Variants in MLIP observed in about 807,000 individuals in gnomAD.
The protein encoded by MLIP is muscular LMNA-interacting protein.
Under a neutral mutation model 84.8 loss-of-function variants are expected in MLIP, and 79 were observed. The ratio of observed to expected loss-of-function variants is 0.93; its 90% CI spans 0.78 to 1.12. MLIP has a LOEUF of 1.12. Among genes scored for constraint, MLIP ranks in the 50% most tolerant of loss-of-function variants. The pLI, the probability that MLIP is intolerant of heterozygous loss-of-function variation, is 0.00. For synonymous variants in MLIP, 504 were observed against 463.0 expected (o/e 1.09, Z -1.14); for missense variants, 1,257 against 1,160.6 (o/e 1.08, Z -1.21).
At chr6:54,046,940 A>G (rs1486602972) in intron 1 of MLIP, 1 of 152,230 alleles carries the variant, frequency 6.6e-6, no homozygotes, top group Non-Finnish European at 1.5e-5. Flanking sequence ...ACAAAAAAGT[A>G]AATTATCTGA....
At chr6:54,088,475 A>T (rs1317904834) in intron 1 of MLIP, among the ~76,000 whole-genome samples, 1 of 152,036 alleles carries the variant, frequency 6.6e-6, no homozygotes, top group African/African-American at 2.4e-5. Context: ...TTAGAAGATA[A>T]ATGTCCCTCA....
chr6:54,250,798 A>G (rs1398880042), intron 12 of MLIP, among the ~76,000 whole-genome samples: 1 of 152,042 alleles, frequency 6.6e-6, no homozygotes, highest in Non-Finnish European at 1.5e-5. Flanking sequence ...CATGCTTCTT[A>G]TTCCTATGAG....
chr6:54,027,950 G>A (rs995901197), intron 1 of MLIP, among the ~76,000 whole-genome samples: 1 of 152,104 alleles, frequency 6.6e-6, no homozygotes, highest in East Asian at 1.9e-4. Flanking sequence ...TGTACGTGTG[G>A]CGAAATATTT....
intron 4 of MLIP, among the ~76,000 whole-genome samples, chr6:54,140,718 G>A (rs144859225): frequency 1.1e-4 from 16 of 152,062 alleles, no homozygotes; most frequent in East Asian, 1.9e-4. Context: ...TTCAGAAATC[G>A]TATCTTGAGT....
chr6:54,019,264 T>C (rs554240186), intron 1 of MLIP, among the ~76,000 whole-genome samples: 98 of 152,272 alleles, frequency 6.4e-4, no homozygotes, highest in Non-Finnish European at 8.8e-4. Flanking sequence ...TGTAATAAAG[T>C]TATATATAAA....
chr6:54,053,101 C>T (rs534066586), intron 1 of MLIP, among the ~76,000 whole-genome samples: 14 of 152,248 alleles, frequency 9.2e-5, no homozygotes, highest in Non-Finnish European at 1.5e-4. Context: ...GGACCTAAGA[C>T]TAAGAGCAGT....
intron 10 of MLIP, among the ~76,000 whole-genome samples, chr6:54,190,873 G>T (rs1777850317): frequency 6.7e-6 from 1 of 148,944 alleles, no homozygotes; most frequent in South Asian, 2.1e-4. Flanking sequence ...TCGGCTCACT[G>T]CAAGCTCCGC....
At chr6:54,113,248 C>G (rs1186000486) in intron 1 of MLIP, among the ~76,000 whole-genome samples, 1 of 152,134 alleles carries the variant, frequency 6.6e-6, no homozygotes, top group Non-Finnish European at 1.5e-5. Flanking sequence ...CACCTCTTTA[C>G]TCCTAAAGGA....
intron 11 of MLIP, among the ~76,000 whole-genome samples, chr6:54,228,779 G>T (rs1582565044): frequency 6.6e-6 from 1 of 152,172 alleles, no homozygotes; most frequent in African/African-American, 2.4e-5. Context: ...ATAAGCCAGA[G>T]ACTGTTCAAA....
chr6:54,235,883 A>T (rs1283742634), intron 12 of MLIP, among the ~76,000 whole-genome samples: 5 of 151,936 alleles, frequency 3.3e-5, no homozygotes, highest in African/African-American at 1.2e-4. Context: ...CTGTTATATA[A>T]CCATGAGCCA....
At chr6:54,078,463 G>A (rs774905978) in intron 1 of MLIP, among the ~76,000 whole-genome samples, 3 of 151,994 alleles carry the variant, frequency 2.0e-5, no homozygotes, top group South Asian at 2.1e-4. Context: ...GCACAACTGC[G>A]GTCCCAGCTA....
intron 1 of MLIP, among the ~76,000 whole-genome samples, chr6:54,042,721 C>T (rs1007322751): frequency 1.3e-5 from 2 of 152,088 alleles, no homozygotes; most frequent in Non-Finnish European, 2.9e-5. Flanking sequence ...TCACCAGGGA[C>T]AATATACCTA....
chr6:54,198,347 T>C (rs1778442426), intron 10 of MLIP, among the ~76,000 whole-genome samples: 1 of 152,112 alleles, frequency 6.6e-6, no homozygotes, highest in African/African-American at 2.4e-5. Context: ...CTGTTGCAAA[T>C]GTAGATTGCA....
intron 1 of MLIP, among the ~76,000 whole-genome samples, chr6:54,076,030 T>G (rs541363113): frequency 6.8e-6 from 1 of 147,818 alleles, no homozygotes; most frequent in East Asian, 2.0e-4. Context: ...GGATTAACAC[T>G]GTTGTTCAAT....
chr6:54,259,022 G>A (rs1012926320), intron 13 of MLIP, among the ~76,000 whole-genome samples: 1 of 151,570 alleles, frequency 6.6e-6, no homozygotes, highest in Non-Finnish European at 1.5e-5. Flanking sequence ...TTAAAATCAC[G>A]TTTAAAATAC....
intron 1 of MLIP, among the ~76,000 whole-genome samples, chr6:54,080,995 G>A (rs1356766611): frequency 2.6e-5 from 4 of 152,012 alleles, no homozygotes; most frequent in East Asian, 1.9e-4. Context: ...TTCATGAACT[G>A]TATTTCAGCT....
chr6:54,201,407 C>A (rs939206139), intron 10 of MLIP, among the ~76,000 whole-genome samples: 3 of 152,216 alleles, frequency 2.0e-5, no homozygotes, highest in African/African-American at 4.8e-5. Flanking sequence ...TGGTGTCTCT[C>A]CTTTCTGGGC....
intron 11 of MLIP, among the ~76,000 whole-genome samples, chr6:54,211,574 T>C (rs1046695154): frequency 2.3e-4 from 35 of 152,348 alleles, no homozygotes; most frequent in African/African-American, 7.7e-4. Context: ...GCTGTGACAT[T>C]GTGGTTAATC....
chr6:54,166,134 A>G (rs766493124), intron 8 of MLIP, among the ~76,000 whole-genome samples: 1 of 151,994 alleles, frequency 6.6e-6, no homozygotes, highest in Non-Finnish European at 1.5e-5. Context: ...GAAGCTGGAA[A>G]TGTCCTCCAT....
Sources: gnomAD v4.1 joint callset for allele counts (sites outside exome capture counted in the v4.1 genomes callset) on GRCh38, gnomAD v4.1.1 for gene constraint, MANE v1.5 for transcripts, NCBI Gene and HGNC (gene_info 2026-07-23, HGNC 2026-07-21) for gene names.